Variants in ELL observed in about 807,000 individuals in gnomAD.
The protein encoded by ELL is elongation factor for RNA polymerase II, also known as RNA polymerase II elongation factor ELL.
A neutral mutation model predicts 64.0 loss-of-function variants in ELL; 18 were observed. The ratio of observed to expected loss-of-function variants is 0.28; its 90% CI spans 0.19 to 0.42. ELL has a LOEUF of 0.42. ELL is among the 10% of genes least tolerant of loss of function. The pLI is 1.00. For missense variants in ELL, 797 were observed against 870.4 expected (o/e 0.92, Z 1.06); for synonymous variants, 399 against 376.2 (o/e 1.06, Z -0.70).
intron 1 of ELL, among the ~76,000 whole-genome samples, chr19:18,480,989 G>T (rs990679653): frequency 6.6e-6 from 1 of 152,130 alleles, no homozygotes; most frequent in Non-Finnish European, 1.5e-5. Flanking sequence ...TTATGGAAAA[G>T]GGTTTTTCAG....
intron 1 of ELL, among the ~76,000 whole-genome samples, chr19:18,511,478 A>T (rs1007580672): frequency 6.6e-6 from 1 of 152,228 alleles, no homozygotes; most frequent in Non-Finnish European, 1.5e-5. Context: ...AGATACTTAC[A>T]TGCCCTGTTC....
At chr19:18,446,192 T>G in intron 10 of ELL, 117 bp downstream of exon 10, 1 of 1,274,876 alleles carries the variant, frequency 7.8e-7, no homozygotes, top group South Asian at 1.6e-5. Context: ...GGAGAAGCGC[T>G]GCCTGGGGAA....
Position 18,449,223 on chromosome 19 carries a change from A to G in ELL, c.1465+1254T>C, listed in dbSNP as rs1032333632. 1.3e-5 allele frequency among the ~76,000 whole-genome samples: 2 copies of G among 152,112 alleles called. No homozygotes were observed. The highest frequency in any genetic ancestry group is 4.8e-5 in the African/African-American group (2 of 41,434). ...GGCATCCAAGGAAGGGACACAGCCC[A>G]GAGTGGTCTGTGGACCCTGGAGCCG... On this transcript the variant is annotated intron_variant, in intron 8 of 11. Transcript: ENST00000262809. This position sits in a 1 kb window ranked among gnomAD's most constrained non-coding sequence, Gnocchi z 4.4.
At position 18,519,520 on chromosome 19, in the gene ELL, A is replaced by C. The variant is rs1207587979; in HGVS notation, c.135+2401T>G. 3.3e-5 allele frequency among the ~76,000 whole-genome samples: 5 copies of C among 152,352 alleles called. No homozygotes were observed. The East Asian group carries it at 9.6e-4, about 29-fold the overall frequency. ...GGCAAGATTAAATTCGAAAGTAGCC[A>C]AGCTGGCTGGGAGCAGTGGCTCATG... On this transcript the variant is annotated intron_variant, in intron 1 of 11. Coordinates refer to ENST00000262809, the MANE Select transcript of ELL (RefSeq NM_006532.4).
At chr19:18,444,968 G>A in intron 11 of ELL, 100 bp from the exon 12 acceptor site, 1 of 1,330,080 alleles carries the variant, frequency 7.5e-7, no homozygotes. Context: ...ACCTGGGCTT[G>A]GTGCCCAGCA....
At chr19:18,492,472 G>A (rs887318042) in intron 1 of ELL, among the ~76,000 whole-genome samples, 2 of 152,208 alleles carry the variant, frequency 1.3e-5, no homozygotes, top group African/African-American at 2.4e-5. Context: ...CTGTGCCTCT[G>A]ACGTGCTGTT....
intron 1 of ELL, among the ~76,000 whole-genome samples, chr19:18,485,462 A>G (rs529233730): frequency 1.7e-4 from 26 of 152,092 alleles, no homozygotes; most frequent in Non-Finnish European, 3.4e-4. Flanking sequence ...CAAGCTTTCC[A>G]GCTGCCTCCA....
chr19:18,462,366 T>TGTGTGTGTGTGTGTGGGGGGGGGG, intron 4 of ELL, among the ~76,000 whole-genome samples: 1 of 31,212 alleles, frequency 3.2e-5, no homozygotes. Context: ...TGTGTGTGTT[T>TGTGTGTGTGTGTGTGGGGGGGGGG]GGGCGGGGGG....
chr19:18,488,994 C>T (rs1300257837), intron 1 of ELL, among the ~76,000 whole-genome samples: 12 of 152,224 alleles, frequency 7.9e-5, no homozygotes, highest in Non-Finnish European at 1.8e-4. Flanking sequence ...ATCTGCAGAC[C>T]GACTTCCGTC....
intron 1 of ELL, among the ~76,000 whole-genome samples, chr19:18,503,812 G>C (rs1298330855): frequency 1.3e-5 from 2 of 152,176 alleles, no homozygotes; most frequent in East Asian, 3.9e-4. Flanking sequence ...CTTCCCTGCT[G>C]CAGGCTGGAT....
intron 10 of ELL, 167 bp from the exon 11 acceptor site, chr19:18,445,435 T>G (rs1222118538): frequency 8.1e-6 from 5 of 615,634 alleles, no homozygotes; most frequent in Non-Finnish European, 1.4e-5. Flanking sequence ...AGCTCCGGAG[T>G]GGGTGGGGCA....
intron 10 of ELL, 178 bp downstream of exon 10, chr19:18,446,131 A>AC: frequency 2.6e-6 from 2 of 774,256 alleles, no homozygotes; most frequent in South Asian, 4.0e-5. Context: ...CCACAACAGG[A>AC]CCCCAGGGCC....
intron 10 of ELL, 118 bp from the exon 11 acceptor site, chr19:18,445,386 A>C: frequency 9.2e-7 from 1 of 1,089,288 alleles, no homozygotes; most frequent in Non-Finnish European, 1.4e-6. Context: ...AGCCTCAAGG[A>C]CAAGGCCAAG....
At chr19:18,507,222 G>A (rs1284722225) in intron 1 of ELL, among the ~76,000 whole-genome samples, 3 of 152,318 alleles carry the variant, frequency 2.0e-5, no homozygotes, top group African/African-American at 7.2e-5. Context: ...CCCGCTCCCT[G>A]CCCTCAGATA....
In ELL at chr19:18,463,100, G is replaced by C. The variant is rs538414288; in HGVS notation, c.470-1248C>G. ...CAAATCCTTCCCCCAAAAGCTCTTC[G>C]TAACAACATCACTCTGATCTTATCT... On this transcript the variant is annotated intron_variant, in intron 4 of 11. Coordinates refer to ENST00000262809, the MANE Select transcript of ELL (RefSeq NM_006532.4). 3.3e-5 allele frequency among the ~76,000 whole-genome samples: 5 copies of C among 152,274 alleles called. No individual in the cohort carries two copies. The South Asian group carries it at 1.0e-3, about 32-fold the overall frequency.
At chr19:18,521,674 C>T (rs1209102259) in intron 1 of ELL, among the ~76,000 whole-genome samples, 1 of 151,152 alleles carries the variant, frequency 6.6e-6, no homozygotes, top group African/African-American at 2.5e-5. Context: ...CCGGGCCCGG[C>T]GCGCGAGTCT....
chr19:18,453,442 C>T (rs1974584144), intron 6 of ELL, among the ~76,000 whole-genome samples: 1 of 152,240 alleles, frequency 6.6e-6, no homozygotes, highest in African/African-American at 2.4e-5. Flanking sequence ...CAACGAGACA[C>T]TGGCTACTCT....
chr19:18,477,539 C>G (rs1975202689), intron 1 of ELL, among the ~76,000 whole-genome samples: 1 of 152,180 alleles, frequency 6.6e-6, no homozygotes. Flanking sequence ...CAAATCAGCA[C>G]AGCCACAACA....
intron 1 of ELL, among the ~76,000 whole-genome samples, chr19:18,510,612 G>A (rs62123872): frequency 0.027 from 4,139 of 152,190 alleles, 99 homozygotes; most frequent in Middle Eastern, 0.078. Context: ...CAGAGGCCCT[G>A]CAGGTCCTAG....
Sources: allele counts gnomAD v4.1 joint callset (sites outside exome capture counted in the v4.1 genomes callset), GRCh38; gene constraint gnomAD v4.1.1; non-coding constraint Gnocchi (gnomAD v3.1); transcripts MANE v1.5; gene names NCBI Gene and HGNC (gene_info 2026-07-23, HGNC 2026-07-21).